The following NEGR1 variants were observed in gnomAD, a reference collection of about 807,000 sequenced individuals.
NEGR1 encodes IgLON family member 4.
In NEGR1, 10 loss-of-function variants were observed where a neutral mutation model predicts 40.9. The ratio of observed to expected loss-of-function variants is 0.24; its 90% confidence interval spans 0.15 to 0.42. NEGR1 has a LOEUF of 0.42. NEGR1 is among the 10% of genes least tolerant of loss of function. The pLI is 1.00. For synonymous variants in NEGR1, 185 were observed against 166.8 expected, an observed-to-expected ratio of 1.11 and a Z score of -0.84; for missense variants, 352 against 438.9, an observed-to-expected ratio of 0.80 and a Z score of 1.77.
At chr1:72,110,148 G>A (rs1265485401) in intron 1 of NEGR1, among the ~76,000 whole-genome samples, 5 of 145,054 alleles carry the variant, frequency 3.4e-5, no homozygotes, top group Non-Finnish European at 6.0e-5. Flanking sequence ...TTATACGCAC[G>A]TAATTTCCAC....
At chr1:71,437,603 T>G (rs930126119) in intron 6 of NEGR1, among the ~76,000 whole-genome samples, 2 of 152,222 alleles carry the variant, frequency 1.3e-5, no homozygotes, top group Non-Finnish European at 2.9e-5. Flanking sequence ...TTTACAAACA[T>G]TCTACTTTGC....
intron 4 of NEGR1, among the ~76,000 whole-genome samples, chr1:71,674,587 C>CACAA (rs1652550633): frequency 8.7e-4 from 1 of 1,148 alleles, no homozygotes; most frequent in Admixed American, 0.038. Flanking sequence ...GCTGGGAGGG[C>CACAA]ACACACACAC....
chr1:72,100,491 T>G (rs1000779418), intron 1 of NEGR1, among the ~76,000 whole-genome samples: 3 of 152,210 alleles, frequency 2.0e-5, no homozygotes, highest in African/African-American at 7.2e-5. Context: ...GATTCTACTC[T>G]AGAACATAGA....
At chr1:71,581,838 G>A (rs1192322800) in intron 6 of NEGR1, among the ~76,000 whole-genome samples, 1 of 151,936 alleles carries the variant, frequency 6.6e-6, no homozygotes, top group Admixed American at 6.6e-5. Flanking sequence ...AAGTAGCTGG[G>A]ATGACAGGTG....
intron 1 of NEGR1, among the ~76,000 whole-genome samples, chr1:72,052,774 G>T (rs535083990): frequency 1.3e-5 from 2 of 151,518 alleles, no homozygotes; most frequent in South Asian, 4.1e-4. Flanking sequence ...GTTTAACTCA[G>T]CATATGAATA....
At chr1:71,933,604 C>T (rs1260346164) in intron 2 of NEGR1, among the ~76,000 whole-genome samples, 1 of 152,016 alleles carries the variant, frequency 6.6e-6, no homozygotes, top group Non-Finnish European at 1.5e-5. Flanking sequence ...TTTTGTCTTA[C>T]AATCTCATGT....
At chr1:71,983,937 AAATTGTTC>A (rs1646374646) in intron 1 of NEGR1, among the ~76,000 whole-genome samples, 1 of 149,184 alleles carries the variant, frequency 6.7e-6, no homozygotes, top group East Asian at 2.3e-4. Context: ...AGCATTCATG[AAATTGTTC>A]TACCAGTCAT....
intron 6 of NEGR1, among the ~76,000 whole-genome samples, chr1:71,475,085 G>T (rs1646811334): frequency 6.6e-6 from 1 of 152,042 alleles, no homozygotes; most frequent in South Asian, 2.1e-4. Context: ...TTCAGGATGG[G>T]AGGGTGTAGG....
intron 6 of NEGR1, among the ~76,000 whole-genome samples, chr1:71,428,692 AATTT>A (rs1450021920): frequency 6.7e-6 from 1 of 149,738 alleles, no homozygotes; most frequent in Non-Finnish European, 1.5e-5. Flanking sequence ...TTATTATATA[AATTT>A]ATTTACTCCT....
At chr1:72,112,223 T>A (rs1017410320) in intron 1 of NEGR1, among the ~76,000 whole-genome samples, 6 of 150,678 alleles carry the variant, frequency 4.0e-5, no homozygotes, top group East Asian at 1.9e-4. Flanking sequence ...TTTTTTTTTT[T>A]AATTTAGAAT....
At chr1:71,996,076 A>G (rs182573209) in intron 1 of NEGR1, among the ~76,000 whole-genome samples, 1 of 152,282 alleles carries the variant, frequency 6.6e-6, no homozygotes, top group East Asian at 1.9e-4. Flanking sequence ...ACCACATTGG[A>G]AACTTCCTGG....
chr1:72,061,921 C>T (rs1462036746), intron 1 of NEGR1, among the ~76,000 whole-genome samples: 1 of 151,714 alleles, frequency 6.6e-6, no homozygotes, highest in Non-Finnish European at 1.5e-5. Flanking sequence ...TCCCTGCCTG[C>T]AGTCTCCACC....
chr1:71,652,645 C>A (rs113538537), intron 4 of NEGR1, among the ~76,000 whole-genome samples: 1 of 151,986 alleles, frequency 6.6e-6, no homozygotes, highest in African/African-American at 2.4e-5. Context: ...GCCGGTGGAT[C>A]GCTTGAGCCC....
intron 4 of NEGR1, among the ~76,000 whole-genome samples, chr1:71,636,205 C>T (rs904951110): frequency 3.9e-5 from 6 of 151,908 alleles, no homozygotes; most frequent in African/African-American, 1.2e-4. Flanking sequence ...TATTGTTGGC[C>T]TTGCCAAAAT....
At chr1:71,568,432 TC>T (rs780904423) in intron 6 of NEGR1, among the ~76,000 whole-genome samples, 1 of 152,178 alleles carries the variant, frequency 6.6e-6, no homozygotes, top group Non-Finnish European at 1.5e-5. Flanking sequence ...AGGCCAGGCT[TC>T]CAGGAGTCCC....
At chr1:72,081,162 C>T (rs1359763053) in intron 1 of NEGR1, among the ~76,000 whole-genome samples, 1 of 151,962 alleles carries the variant, frequency 6.6e-6, no homozygotes, top group Non-Finnish European at 1.5e-5. Context: ...TTAGGAGATA[C>T]TAGGAAATAA....
rs1392949095 is a variant in NEGR1, at chr1:71,999,652, TATATATATATATATATATATATATATAC to T, written c.177-64369_177-64342del. ...AAGCAAATATATATATATATATATA[TATATATATATATATATATATATATATAC>T]ATACATATTTTTGTCCGGTCTCGGA... On this transcript the variant is annotated intron_variant, in intron 1 of 6. Coordinates refer to ENST00000357731, the MANE Select transcript of NEGR1 (RefSeq NM_173808.3). Among the ~76,000 whole-genome samples the T allele has an allele frequency of 7.0e-3, 307 of 43,860 alleles. 10 individuals carry two copies. The highest frequency in any genetic ancestry group is 0.049 in the East Asian group (51 of 1,044). The allele number at this position is 43,860 out of a possible 152,430, so 28.8% of individuals were successfully genotyped here. A position where few individuals can be genotyped will look rare whatever the true frequency, so the allele number is the denominator to read the frequency against.
intron 6 of NEGR1, among the ~76,000 whole-genome samples, chr1:71,421,098 A>G (rs1316190910): frequency 6.6e-6 from 1 of 152,080 alleles, no homozygotes; most frequent in Non-Finnish European, 1.5e-5. Flanking sequence ...TACCTCAAGC[A>G]TATGGAGCTC....
intron 1 of NEGR1, among the ~76,000 whole-genome samples, chr1:72,063,261 C>A (rs1055725474): frequency 2.6e-5 from 4 of 151,832 alleles, no homozygotes; most frequent in African/African-American, 9.7e-5. Context: ...AATTTCCTTG[C>A]AAGGTAAGAT....
Sources: allele counts gnomAD v4.1 joint callset (sites outside exome capture counted in the v4.1 genomes callset), GRCh38; gene constraint gnomAD v4.1.1; transcripts MANE v1.5; gene names NCBI Gene and HGNC (gene_info 2026-07-23, HGNC 2026-07-21).